Variants in LOX observed in about 807,000 individuals in gnomAD.
LOX encodes the protein protein-lysine 6-oxidase.
In LOX, 12 loss-of-function variants were observed where a neutral mutation model predicts 50.5. The observed-to-expected ratio is 0.24, with a 90% CI of 0.15 to 0.38. The LOEUF is 0.38. Ranked by LOEUF, LOX falls within the 10% of genes least tolerant of loss-of-function variation. The pLI, the probability that LOX is intolerant of heterozygous loss-of-function variation, is 1.00. For missense variants in LOX, 504 were observed against 563.8 expected (o/e 0.89, Z 1.07); for synonymous variants, 254 against 230.6 (o/e 1.10, Z -0.92).
In LOX at chr5:122,077,514, G is replaced by T. The variant is rs770854063; in HGVS notation, c.472C>A (p.Arg158=). 26 of 1,613,712 alleles carry T rather than the reference G, an allele frequency of 1.6e-5. No individual in the cohort carries two copies. The Admixed American group carries it at 4.2e-4, about 26-fold the overall frequency. ...ATGCCGTCCACGCGGCTGGGCGGCC[G>T]CAGGTTACTGAGCGCAGGAACTTCT... The part of the protein sequence containing the change: ...PGEVPALSNL[R]PPSRVDGMVG... Residue 158 remains arginine, a synonymous_variant, in exon 1 of 7, where the codon CGG becomes AGG. Transcript: ENST00000231004. The surrounding 1 kb of genome is among the most constrained non-coding windows in gnomAD (Gnocchi z 4.9).
Position 122,066,760 on chromosome 5 carries a change from A to G in LOX, c.1248-11T>C, listed in dbSNP as rs1020867394. 1.3e-6 allele frequency: 2 copies of G among 1,519,470 alleles called. No individual in the cohort carries two copies. Among genetic ancestry groups the G allele is most frequent in the African/African-American group, 1.4e-5 (1 of 73,094 alleles). 94.1% of individuals were successfully genotyped at this position (1,519,470 alleles called of 1,614,324 possible). ...TTTGCCTTCTAATACCTAGATTAAG[A>G]AGACAAAATAAGACAAATTATTAAC... On this transcript the variant is annotated splice_polypyrimidine_tract_variant and intron_variant, in intron 6 of 6. Transcript: ENST00000231004.
intron 6 of LOX, among the ~76,000 whole-genome samples, chr5:122,067,115 T>A (rs1185185024): frequency 1.3e-5 from 2 of 152,136 alleles, no homozygotes; most frequent in Non-Finnish European, 2.9e-5. Context: ...CTCTGCTCCA[T>A]CTTGAATTAG....
intron 6 of LOX, among the ~76,000 whole-genome samples, chr5:122,069,487 A>G (rs951766646): frequency 1.3e-5 from 2 of 152,160 alleles, no homozygotes; most frequent in African/African-American, 4.8e-5. Context: ...ATTTCATTCT[A>G]AGAAGAGTCT....
rs529787826 is a variant in LOX, at chr5:122,077,952, G to T, written c.34C>A (p.Pro12Thr). 6.8e-7 allele frequency: 1 copy of T among 1,478,924 alleles called. No homozygotes were observed. 91.6% of individuals were successfully genotyped at this position (1,478,924 alleles called of 1,614,324 possible). A position where few individuals can be genotyped will look rare whatever the true frequency, so the allele number is the denominator to read the frequency against. Reference sequence around the variant, plus strand: ...TGCACTAGCGCGCAGAGCTGCAAAGGCCCGAGCAGGAGCACGGTCCAGGCG... The same window carrying T: ...TGCACTAGCGCGCAGAGCTGCAAAGTCCCGAGCAGGAGCACGGTCCAGGCG... ...RFAWTVLLLGPLQLCALVHCA... is the reference protein window; with the variant it reads ...RFAWTVLLLGTLQLCALVHCA... Residue 12 changes from proline to threonine, a missense_variant, in exon 1 of 7, where the codon CCT (proline) becomes ACT (threonine). By Grantham distance (38) the Pro-to-Thr change is conservative. This residue lies in a region of LOX where 398 missense variants were observed against 365.8 expected (regional missense o/e 1.09). Coordinates refer to ENST00000231004, the MANE Select transcript of LOX (RefSeq NM_002317.7). The surrounding 1 kb of genome is among the most constrained non-coding windows in gnomAD (Gnocchi z 4.9).
Position 122,077,716 on chromosome 5 carries a change from C to T in LOX, c.270G>A (p.Pro90=). The part of the protein sequence containing the change: ...ANASAQQPRT[P]ILLIRDNRTA... ...TGCGGTTGTCGCGGATCAGCAGGATCGGAGTGCGGGGCTGCTGGGCGGAGG... is the reference window on the plus strand; with the variant it reads ...TGCGGTTGTCGCGGATCAGCAGGATTGGAGTGCGGGGCTGCTGGGCGGAGG... The change falls in exon 1 of 7, where the codon CCG becomes CCA. Residue 90 remains proline (P), a synonymous_variant. Coordinates refer to ENST00000231004, the MANE Select transcript of LOX (RefSeq NM_002317.7). The surrounding 1 kb of genome is among the most constrained non-coding windows in gnomAD (Gnocchi z 4.9). The T allele has an allele frequency of 6.3e-7, 1 of 1,587,646 alleles. No individual in the cohort carries two copies. Among genetic ancestry groups the T allele is most frequent in the East Asian group, 2.3e-5 (1 of 43,946 alleles).
chr5:122,078,096 G>T lies in LOX; in HGVS notation c.-111C>A. The T allele has an allele frequency of 9.7e-7, 1 of 1,035,628 alleles. No individual in the cohort carries two copies. 64.2% of individuals were successfully genotyped at this position (1,035,628 alleles called of 1,614,324 possible). ...GAAATCTTCAACCAAGGAGGCGAGC[G>T]GAGCACGGGTATCTCAGTCTCCACC... is the stretch of plus-strand genomic sequence containing the variant. On this transcript the variant is annotated 5_prime_UTR_variant, in exon 1 of 7. Coordinates refer to ENST00000231004, the MANE Select transcript of LOX (RefSeq NM_002317.7).
chr5:122,077,211 T>C lies in LOX; in HGVS notation c.631+144A>G. The C allele has an allele frequency of 4.0e-6, 6 of 1,486,546 alleles. No homozygotes were observed. Among genetic ancestry groups the C allele is most frequent in the South Asian group, 2.7e-5 (2 of 73,976 alleles). The allele number at this position is 1,486,546 out of a possible 1,614,324, so 92.1% of individuals were successfully genotyped here. ...GGCCAGACGCGCGGTTTGCACTGGA[T>C]TCCAGGGCTGCCACTGCAGGCGCGT... On this transcript the variant is annotated intron_variant, in intron 1 of 6. Coordinates refer to ENST00000231004, the MANE Select transcript of LOX (RefSeq NM_002317.7). This position sits in a 1 kb window ranked among gnomAD's most constrained non-coding sequence, Gnocchi z 4.9.
chr5:122,070,944 CTT>C, intron 4 of LOX, among the ~76,000 whole-genome samples: 1 of 152,254 alleles, frequency 6.6e-6, no homozygotes, highest in South Asian at 2.1e-4. Flanking sequence ...CAAATGTCCT[CTT>C]CTCAGTGAAA....
At position 122,078,047 on chromosome 5, in the gene LOX, G is replaced by A. The variant is rs1754695637; in HGVS notation, c.-62C>T. 7.2e-7 allele frequency: 1 copy of A among 1,396,708 alleles called. No individual in the cohort carries two copies. Among genetic ancestry groups the A allele is most frequent in the African/African-American group, 1.5e-5 (1 of 66,094 alleles). The allele number at this position is 1,396,708 out of a possible 1,614,324, so 86.5% of individuals were successfully genotyped here. On this transcript the variant is annotated 5_prime_UTR_variant, in exon 1 of 7. Coordinates refer to ENST00000231004, the MANE Select transcript of LOX (RefSeq NM_002317.7). ...CGTGGCTCACAGAAAATAAAAACGG[G>A]GCTCAAATCACGTGAGGGAAGGAGA...
Position 122,077,704 on chromosome 5 carries a change from G to C in LOX, c.282C>G (p.Ile94Met). 6.3e-7 allele frequency: 1 copy of C among 1,592,472 alleles called. No homozygotes were observed. Among genetic ancestry groups the C allele is most frequent in the Non-Finnish European group, 8.5e-7 (1 of 1,172,662 alleles). Residue 94 changes from isoleucine (I) to methionine (M), a missense_variant, in exon 1 of 7, where the codon ATC (isoleucine) becomes ATG (methionine). Transcript: ENST00000231004. This position sits in a 1 kb window ranked among gnomAD's most constrained non-coding sequence, Gnocchi z 4.9. Reference protein sequence around the residue: ...AQQPRTPILLIRDNRTAAART... With the variant: ...AQQPRTPILLMRDNRTAAART... ...GCGCCGCGGCGGTGCGGTTGTCGCG[G>C]ATCAGCAGGATCGGAGTGCGGGGCT... is the stretch of plus-strand genomic sequence containing the variant.
intron 6 of LOX, chr5:122,069,827 TCTC>T: frequency 3.9e-6 from 2 of 518,100 alleles, no homozygotes; most frequent in Non-Finnish European, 7.3e-6. Flanking sequence ...GTTTATGTCT[TCTC>T]CTGAAAACTA....
chr5:122,073,038 T>G (rs184529204), intron 4 of LOX, among the ~76,000 whole-genome samples: 1 of 152,278 alleles, frequency 6.6e-6, no homozygotes, highest in East Asian at 1.9e-4. Context: ...CCCCCTCCAA[T>G]TGCTATGATG....
At chr5:122,068,038 C>G (rs1230940617) in intron 6 of LOX, among the ~76,000 whole-genome samples, 1 of 151,894 alleles carries the variant, frequency 6.6e-6, no homozygotes, top group African/African-American at 2.4e-5. Context: ...CCAATATTTC[C>G]ACTCAGAATA....
chr5:122,069,551 T>G (rs1754393177), intron 6 of LOX, among the ~76,000 whole-genome samples: 1 of 152,110 alleles, frequency 6.6e-6, no homozygotes, highest in Non-Finnish European at 1.5e-5. Flanking sequence ...TTTTGCAGAG[T>G]ATTTTCCTAG....
chr5:122,070,263 G>T, intron 5 of LOX, 95 bp from the exon 6 acceptor site: 1 of 767,722 alleles, frequency 1.3e-6, no homozygotes. Context: ...AGCAGGGAAG[G>T]GATTTTAACT....
rs1754690554 is a variant in LOX at position 122,077,892 on chromosome 5, G to A, written c.94C>T (p.Pro32Ser). 4 of 1,529,368 alleles carry A rather than the reference G, an allele frequency of 2.6e-6. No individual in the cohort carries two copies. In the East Asian group the frequency reaches 7.6e-5, roughly 29 times the overall value. 94.7% of individuals were successfully genotyped at this position (1,529,368 alleles called of 1,614,324 possible). A position where few individuals can be genotyped will look rare whatever the true frequency, so the allele number is the denominator to read the frequency against. Residue 32 changes from proline (P) to serine (S), a missense_variant, in exon 1 of 7, where the codon CCG (proline) becomes TCG (serine). Pro to Ser is a moderately conservative substitution (Grantham distance 74). This residue lies in a region of LOX where 398 missense variants were observed against 365.8 expected (regional missense o/e 1.09). Transcript: ENST00000231004. This position sits in a 1 kb window ranked among gnomAD's most constrained non-coding sequence, Gnocchi z 4.9. The stretch of plus-strand genomic sequence containing the variant: ...CCCGGAGCCGCCGGCGGCTCGCGCG[G>A]GGGCTGCTGTTGGCCGGCGGCGGGA... ...APPAAGQQQP[P>S]REPPAAPGAW...
Position 122,065,397 on chromosome 5 carries a change from A to G in LOX, c.*1346T>C, listed in dbSNP as rs1281148506. On this transcript the variant is annotated 3_prime_UTR_variant, in exon 7 of 7. Coordinates refer to ENST00000231004, the MANE Select transcript of LOX (RefSeq NM_002317.7). ...GGAAAAATTATGCTTAAGCACCACT[A>G]ACTTAAAAGTGTAATTTCATTTTCT... The G allele has an allele frequency of 6.6e-6, 1 of 152,094 alleles. No homozygotes were observed. The highest frequency in any genetic ancestry group is 2.4e-5 in the African/African-American group (1 of 41,428). The allele number at this position is 152,094 out of a possible 1,614,324, so 9.4% of individuals were successfully genotyped here.
Position 122,077,141 on chromosome 5 carries a change from G to C in LOX, c.632-140C>G. On this transcript the variant is annotated intron_variant, in intron 1 of 6. Transcript: ENST00000231004. This position sits in a 1 kb window ranked among gnomAD's most constrained non-coding sequence, Gnocchi z 4.9. Reference sequence around the variant, plus strand: ...TGGAGCGGAGGACAGCAAGAGAACTGGGGACGCCCGGGACTGCAAAGCAAT... The same window carrying C: ...TGGAGCGGAGGACAGCAAGAGAACTCGGGACGCCCGGGACTGCAAAGCAAT... 1 of 1,471,254 alleles carries C rather than the reference G, an allele frequency of 6.8e-7. No individual in the cohort carries two copies. The highest frequency in any genetic ancestry group is 2.4e-5 in the East Asian group (1 of 40,884). The allele number at this position is 1,471,254 out of a possible 1,614,324, so 91.1% of individuals were successfully genotyped here.
chr5:122,064,493 A>T lies in LOX; in HGVS notation c.*2250T>A, dbSNP rs1399039575. On this transcript the variant is annotated 3_prime_UTR_variant, in exon 7 of 7. Coordinates refer to ENST00000231004, the MANE Select transcript of LOX (RefSeq NM_002317.7). ...AACCAAATAGTAGGTGTTATATTTAAAAGGCAGACATTTCAGGGATTGAAC... is the reference window on the plus strand; with the variant it reads ...AACCAAATAGTAGGTGTTATATTTATAAGGCAGACATTTCAGGGATTGAAC... 1.3e-5 allele frequency: 2 copies of T among 151,990 alleles called. No homozygotes were observed. The highest frequency in any genetic ancestry group is 2.9e-5 in the Non-Finnish European group (2 of 67,924). 9.4% of individuals were successfully genotyped at this position (151,990 alleles called of 1,614,324 possible). A position where few individuals can be genotyped will look rare whatever the true frequency, so the allele number is the denominator to read the frequency against.
Sources: gnomAD v4.1 joint callset for allele counts (sites outside exome capture counted in the v4.1 genomes callset) on GRCh38, gnomAD v4.1.1 for gene constraint, gnomAD v4.1.1 regional missense constraint, Gnocchi (gnomAD v3.1) non-coding constraint, MANE v1.5 for transcripts, NCBI Gene and HGNC (gene_info 2026-07-23, HGNC 2026-07-21) for gene names.